The following DNER variants were observed in gnomAD, a reference collection of about 807,000 sequenced individuals.
DNER encodes delta and Notch-like epidermal growth factor-related receptor.
DNER carries 33 observed loss-of-function variants against 78.2 expected under a neutral mutation model. The observed-to-expected ratio is 0.42, with a 90% CI of 0.32 to 0.56. The LOEUF is 0.56. DNER is among the 20% of genes least tolerant of loss of function. The pLI is 0.11. For synonymous variants in DNER, 417 were observed against 384.8 expected (o/e 1.08, Z -0.98); for missense variants, 918 against 975.3 (o/e 0.94, Z 0.78).
chr2:229,434,779 C>G (rs1694086031), intron 8 of DNER, among the ~76,000 whole-genome samples: 2 of 152,000 alleles, frequency 1.3e-5, no homozygotes, highest in African/African-American at 4.8e-5. Flanking sequence ...AAGTTTTCTC[C>G]TAGACATTCC....
intron 9 of DNER, among the ~76,000 whole-genome samples, 183 bp downstream of exon 9, chr2:229,417,921 AATCT>A (rs1198410126): frequency 1.3e-5 from 2 of 152,218 alleles, no homozygotes; most frequent in Non-Finnish European, 2.9e-5. Flanking sequence ...GTTGTTTCTC[AATCT>A]ATCAGGAAGA....
chr2:229,669,440 A>G (rs538614857), intron 1 of DNER, among the ~76,000 whole-genome samples: 30 of 151,882 alleles, frequency 2.0e-4, no homozygotes, highest in African/African-American at 5.3e-4. Flanking sequence ...TTTTTTTCCA[A>G]TTCTGTGAAA....
intron 1 of DNER, among the ~76,000 whole-genome samples, chr2:229,626,361 G>A (rs760307073): frequency 3.9e-5 from 6 of 152,148 alleles, no homozygotes; most frequent in Non-Finnish European, 8.8e-5. Context: ...CAGAAACTAG[G>A]ATGTATCTCA....
chr2:229,507,959 A>G (rs1283973580), intron 6 of DNER, among the ~76,000 whole-genome samples: 1 of 152,224 alleles, frequency 6.6e-6, no homozygotes, highest in Admixed American at 6.5e-5. Context: ...CTTGAAGAAC[A>G]TATTTACAAT....
At chr2:229,712,323 G>C (rs1559218222) in intron 1 of DNER, among the ~76,000 whole-genome samples, 1 of 152,202 alleles carries the variant, frequency 6.6e-6, no homozygotes, top group Non-Finnish European at 1.5e-5. Flanking sequence ...TTCGCTGTTA[G>C]TCATCTTTAG....
At chr2:229,615,597 AGCTACTCG>A (rs1305945720) in intron 1 of DNER, among the ~76,000 whole-genome samples, 1 of 152,106 alleles carries the variant, frequency 6.6e-6, no homozygotes, top group Non-Finnish European at 1.5e-5. Flanking sequence ...CTGTAGCCCC[AGCTACTCG>A]GGAGGCTGAG....
chr2:229,483,907 T>C (rs2193903), intron 6 of DNER, among the ~76,000 whole-genome samples: 19,048 of 152,140 alleles, frequency 0.13, 1,337 homozygotes, highest in South Asian at 0.2. Context: ...CCCATGGGAG[T>C]AGGGCTGCAT....
intron 7 of DNER, among the ~76,000 whole-genome samples, chr2:229,471,019 A>C (rs182150005): frequency 6.7e-6 from 1 of 148,182 alleles, no homozygotes; most frequent in Non-Finnish European, 1.5e-5. Context: ...GAACAAGAAC[A>C]GCATTTTATT....
intron 1 of DNER, among the ~76,000 whole-genome samples, chr2:229,631,630 C>T (rs1487111649): frequency 2.6e-5 from 4 of 152,264 alleles, no homozygotes; most frequent in African/African-American, 7.2e-5. Context: ...ACTTTCAGGG[C>T]TCTGATTTTC....
intron 4 of DNER, among the ~76,000 whole-genome samples, chr2:229,572,323 A>G (rs2154214048): frequency 6.6e-6 from 1 of 152,320 alleles, no homozygotes; most frequent in Admixed American, 6.5e-5. Flanking sequence ...CAGTTCATCT[A>G]ATATTGAATA....
chr2:229,594,300 A>G (rs966720449), intron 1 of DNER, among the ~76,000 whole-genome samples: 2 of 152,150 alleles, frequency 1.3e-5, no homozygotes, highest in Non-Finnish European at 2.9e-5. Flanking sequence ...GAAAAAGAAG[A>G]GCAGAGGGCC....
intron 7 of DNER, among the ~76,000 whole-genome samples, chr2:229,469,898 C>A (rs1018611072): frequency 6.6e-6 from 1 of 152,120 alleles, no homozygotes; most frequent in Non-Finnish European, 1.5e-5. Context: ...GAGCCAAGAT[C>A]GCGCCATTGC....
At chr2:229,456,608 C>T (rs1223363206) in intron 7 of DNER, among the ~76,000 whole-genome samples, 1 of 152,002 alleles carries the variant, frequency 6.6e-6, no homozygotes, top group Non-Finnish European at 1.5e-5. Context: ...TCTTCTGCAG[C>T]TACATGTACA....
Position 229,515,645 on chromosome 2 carries a change from T to TA in DNER, c.994-2710_994-2709insT, listed in dbSNP as rs1329340641. Among the ~76,000 whole-genome samples the TA allele has an allele frequency of 7.7e-5, 6 of 77,432 alleles. 1 individual carries two copies. Among genetic ancestry groups the TA allele is most frequent in the African/African-American group, 2.3e-4 (6 of 25,614 alleles). 50.8% of individuals were successfully genotyped at this position (77,432 alleles called of 152,430 possible). A position where few individuals can be genotyped will look rare whatever the true frequency, so the allele number is the denominator to read the frequency against. Reference sequence around the variant, plus strand: ...ATATCTTCAAGTTAGCTTTATTTTTTTATTTTTTTTTTTTTGAGACAGTCT... The same window carrying TA: ...ATATCTTCAAGTTAGCTTTATTTTTTATATTTTTTTTTTTTTGAGACAGTCT... On this transcript the variant is annotated intron_variant, in intron 5 of 12. Transcript: ENST00000341772.
At chr2:229,674,182 C>T (rs974419088) in intron 1 of DNER, among the ~76,000 whole-genome samples, 11 of 152,232 alleles carry the variant, frequency 7.2e-5, no homozygotes, top group Admixed American at 7.2e-4. Context: ...ACCCTGCACA[C>T]TCCTGTGTAA....
intron 1 of DNER, among the ~76,000 whole-genome samples, chr2:229,668,457 T>C (rs1037753294): frequency 7.0e-6 from 1 of 142,826 alleles, no homozygotes; most frequent in Non-Finnish European, 1.5e-5. Context: ...TATATATATA[T>C]ATAAAAGAAG....
chr2:229,692,226 T>C (rs559951032), intron 1 of DNER, among the ~76,000 whole-genome samples: 18 of 152,362 alleles, frequency 1.2e-4, no homozygotes, highest in African/African-American at 4.1e-4. Context: ...TGATCTGACC[T>C]GGTCTTCAAA....
intron 11 of DNER, among the ~76,000 whole-genome samples, chr2:229,368,397 T>C (rs557536419): frequency 6.6e-6 from 1 of 152,094 alleles, no homozygotes; most frequent in Non-Finnish European, 1.5e-5. Flanking sequence ...CAAATATAGC[T>C]AGACTTCCCT....
At position 229,422,327 on chromosome 2, in the gene DNER, G is replaced by T. The variant is rs187751611; in HGVS notation, c.1487-4097C>A. ...TGAAAAAAAATTAGGCTAATCCAAA[G>T]ATTTTTTAAAAATAAAATAAACAAT... On this transcript the variant is annotated intron_variant, in intron 8 of 12. Transcript: ENST00000341772. 2.6e-5 allele frequency among the ~76,000 whole-genome samples: 4 copies of T among 152,288 alleles called. No individual in the cohort carries two copies. The East Asian group carries it at 7.7e-4, about 29-fold the overall frequency.
Sources: allele counts gnomAD v4.1 joint callset (sites outside exome capture counted in the v4.1 genomes callset), GRCh38; gene constraint gnomAD v4.1.1; transcripts MANE v1.5; gene names NCBI Gene and HGNC (gene_info 2026-07-23, HGNC 2026-07-21).